The following ABCA13 variants were observed in gnomAD, a reference collection of about 807,000 sequenced individuals.
The protein encoded by ABCA13 is ATP-binding cassette sub-family A member 13.
In ABCA13, 476 loss-of-function variants were observed where a neutral mutation model predicts 478.7. The ratio of observed to expected loss-of-function variants is 0.99; its 90% CI spans 0.92 to 1.07. The LOEUF is 1.07. Among genes scored for constraint, ABCA13 ranks in the 50% least tolerant of loss-of-function variants. The probability of loss-of-function intolerance (pLI) is 0.00; values close to 1 mark genes in which losing one functional copy is unlikely to be tolerated. For synonymous variants in ABCA13, 2,252 were observed against 2,158.9 expected (o/e 1.04, Z -1.20); for missense variants, 6,060 against 5,910.6 (o/e 1.03, Z -0.83).
Position 48,392,097 on chromosome 7 carries a change from C to A in ABCA13, c.11831C>A (p.Ala3944Glu). ...EHLLLFASIK[A>E]PQWTKKELHQ... ...TTGCTGCTCTTTGCTTCCATAAAGG[C>A]GCCTCAGTGGACCAAGAAGGAGCTG... Residue 3944 changes from alanine to glutamate, a missense_variant, in exon 38 of 62, where the codon GCG becomes GAG. Ala to Glu is a moderately radical substitution (Grantham distance 107). Transcript: ENST00000435803. 4 of 1,613,928 alleles carry A rather than the reference C, an allele frequency of 2.5e-6. No homozygotes were observed. Among genetic ancestry groups the A allele is most frequent in the Non-Finnish European group, 2.5e-6 (3 of 1,179,878 alleles).
At chr7:48,175,533 G>A (rs997061096) in intron 1 of ABCA13, among the ~76,000 whole-genome samples, 1 of 152,114 alleles carries the variant, frequency 6.6e-6, no homozygotes, top group African/African-American at 2.4e-5. Flanking sequence ...CGATTCTCCT[G>A]CCTCAGCATC....
chr7:48,624,524 T>A (rs1485547597), intron 59 of ABCA13, among the ~76,000 whole-genome samples: 1 of 66,426 alleles, frequency 1.5e-5, no homozygotes, highest in Non-Finnish European at 2.5e-5. Context: ...GGCTGTGTAT[T>A]TTGTTGTCGT....
intron 47 of ABCA13, among the ~76,000 whole-genome samples, chr7:48,483,705 G>C (rs1829009193): frequency 6.6e-6 from 1 of 152,204 alleles, no homozygotes; most frequent in Middle Eastern, 3.2e-3. Flanking sequence ...GACTGGGATA[G>C]AGGAAAGATG....
At chr7:48,206,068 T>C (rs1443315879) in intron 3 of ABCA13, among the ~76,000 whole-genome samples, 2 of 152,222 alleles carry the variant, frequency 1.3e-5, no homozygotes, top group Non-Finnish European at 2.9e-5. Flanking sequence ...ATAGCTTGTC[T>C]GCTTTTGGTC....
intron 55 of ABCA13, among the ~76,000 whole-genome samples, chr7:48,545,682 A>G (rs1784756423): frequency 6.6e-6 from 1 of 151,714 alleles, no homozygotes; most frequent in Non-Finnish European, 1.5e-5. Context: ...CACACAAAGA[A>G]TGTAATGTAA....
intron 23 of ABCA13, among the ~76,000 whole-genome samples, chr7:48,303,251 A>G (rs904977014): frequency 1.3e-5 from 2 of 151,986 alleles, no homozygotes; most frequent in Non-Finnish European, 2.9e-5. Context: ...CCTTTGTCAG[A>G]TGCATATTTT....
At chr7:48,524,661 T>C (rs780006494) in intron 54 of ABCA13, among the ~76,000 whole-genome samples, 91 of 152,336 alleles carry the variant, frequency 6.0e-4, no homozygotes, top group Non-Finnish European at 8.7e-4. Flanking sequence ...TTTTGTTTTA[T>C]AATGTTAAAA....
chr7:48,196,424 C>T (rs948509066), intron 2 of ABCA13, among the ~76,000 whole-genome samples: 5 of 152,160 alleles, frequency 3.3e-5, no homozygotes, highest in Non-Finnish European at 7.3e-5. Context: ...GAAGCTCCAT[C>T]AAGCCCCCCA....
In ABCA13 at chr7:48,219,374, C is replaced by A. The variant is rs1216788138; in HGVS notation, c.308C>A (p.Ala103Glu). Reference protein sequence around the residue: ...HHFRLSRFQTAADPKKVNNLA... With the variant: ...HHFRLSRFQTEADPKKVNNLA... The stretch of plus-strand genomic sequence containing the variant: ...TAAAGTTTGTCTAGGTTCCAAACTG[C>A]AGCTGACCCCAAGAAAGTCAACAAC... The change falls in exon 4 of 62, where the codon GCA (alanine) becomes GAA (glutamate). Residue 103 changes from alanine (A) to glutamate (E), a missense_variant. Physicochemically the swap from Ala to Glu is moderately radical, Grantham distance 107 (BLOSUM62 -1). Coordinates refer to ENST00000435803, the MANE Select transcript of ABCA13 (RefSeq NM_152701.5). The A allele has an allele frequency of 6.2e-7, 1 of 1,611,586 alleles. No homozygotes were observed. The highest frequency in any genetic ancestry group is 1.3e-5 in the African/African-American group (1 of 74,670).
chr7:48,402,635 T>C (rs967627110), intron 38 of ABCA13, among the ~76,000 whole-genome samples: 1 of 152,226 alleles, frequency 6.6e-6, no homozygotes. Context: ...GGATGGGAAG[T>C]ATTTACATTA....
chr7:48,428,614 C>A (rs890637854), intron 42 of ABCA13, among the ~76,000 whole-genome samples: 1 of 152,164 alleles, frequency 6.6e-6, no homozygotes, highest in Middle Eastern at 3.2e-3. Context: ...TGCATCCTTA[C>A]CAGCAACTGT....
At chr7:48,271,738 C>T in intron 16 of ABCA13, 49 bp from the exon 17 acceptor site, 2 of 1,135,182 alleles carry the variant, frequency 1.8e-6, no homozygotes, top group Non-Finnish European at 2.3e-6. Flanking sequence ...TTTGATAAAT[C>T]AAATTTATTT....
intron 41 of ABCA13, 150 bp downstream of exon 41, chr7:48,412,733 C>G: frequency 1.8e-6 from 1 of 549,788 alleles, no homozygotes; most frequent in South Asian, 6.4e-5. Context: ...TGGTAGCATA[C>G]TAGATGCCAA....
chr7:48,636,111 G>T (rs1488156965), intron 59 of ABCA13, among the ~76,000 whole-genome samples: 1 of 152,020 alleles, frequency 6.6e-6, no homozygotes, highest in Non-Finnish European at 1.5e-5. Context: ...CATCCATATT[G>T]ACTTTTTACA....
In ABCA13 at chr7:48,645,397, A is replaced by G; in HGVS notation, c.15082-20A>G. On this transcript the variant is annotated intron_variant, in intron 61 of 61. Transcript: ENST00000435803. ...GGTTGTATTCTTATAAGTAAACAAC[A>G]TTTTTATGGTTTTTTTCAGGTATTT... 1 of 1,539,822 alleles carries G rather than the reference A, an allele frequency of 6.5e-7. No homozygotes were observed. The highest frequency in any genetic ancestry group is 8.8e-7 in the Non-Finnish European group (1 of 1,135,952).
rs1025548527 is a variant in ABCA13, at chr7:48,380,862, C to T, written c.11335+4290C>T. ...AAGCAAAAAACCAATCCAGAGCCCA[C>T]GCCCCTACCACCTGCTGTACGGGGC... On this transcript the variant is annotated intron_variant, in intron 35 of 61. Transcript: ENST00000435803. Among the ~76,000 whole-genome samples, 8 of 152,112 alleles carry T rather than the reference C, an allele frequency of 5.3e-5. No individual in the cohort carries two copies. In the East Asian group the frequency reaches 7.7e-4, roughly 15 times the overall value.
chr7:48,433,026 C>T (rs1022790984), intron 42 of ABCA13, among the ~76,000 whole-genome samples: 3 of 151,964 alleles, frequency 2.0e-5, no homozygotes, highest in South Asian at 4.2e-4. Flanking sequence ...TTAGCCGCTT[C>T]ACAAGGTATA....
rs1563510314 is a variant in ABCA13, at chr7:48,615,355, T to C, written c.14815T>C (p.Ser4939Pro). ...TAACGGCAGCTTCAAATGTCTTGGT[T>C]CTCCTCAGCACATCAAAAATAGGTG... The part of the protein sequence containing the change: ...MVNGSFKCLG[S>P]PQHIKNRFGD... The change falls in exon 59 of 62, where the codon TCT becomes CCT. Residue 4939 changes from serine (S) to proline (P), a missense_variant. This residue lies in a region of ABCA13 where 1,627 missense variants were observed against 1,571.0 expected (regional missense o/e 1.04). Coordinates refer to ENST00000435803, the MANE Select transcript of ABCA13 (RefSeq NM_152701.5). 1 of 1,572,108 alleles carries C rather than the reference T, an allele frequency of 6.4e-7. No individual in the cohort carries two copies. The highest frequency in any genetic ancestry group is 8.6e-7 in the Non-Finnish European group (1 of 1,157,250).
At chr7:48,394,915 G>T (rs1166481054) in intron 38 of ABCA13, among the ~76,000 whole-genome samples, 1 of 152,118 alleles carries the variant, frequency 6.6e-6, no homozygotes, top group African/African-American at 2.4e-5. Flanking sequence ...TGTGAAGTGG[G>T]TGCAGGGGGT....
Sources: gnomAD v4.1 joint callset for allele counts (sites outside exome capture counted in the v4.1 genomes callset) on GRCh38, gnomAD v4.1.1 for gene constraint, gnomAD v4.1.1 regional missense constraint, MANE v1.5 for transcripts, NCBI Gene and HGNC (gene_info 2026-07-23, HGNC 2026-07-21) for gene names.